The following WDFY3 variants were observed in gnomAD, a reference collection of about 807,000 sequenced individuals.
WDFY3 encodes WD repeat and FYVE domain containing 3, also known as WD repeat and FYVE domain-containing protein 3.
Under a neutral mutation model 409.6 loss-of-function variants are expected in WDFY3, and 66 were observed. The ratio of observed to expected loss-of-function variants is 0.16; its 90% confidence interval spans 0.13 to 0.20. The LOEUF is 0.20. Ranked by LOEUF, WDFY3 falls within the 10% of genes least tolerant of loss-of-function variation. WDFY3 has a pLI of 1.00. For synonymous variants in WDFY3, 1,521 were observed against 1,537.1 expected (o/e 0.99, Z 0.25); for missense variants, 3,031 against 4,298.1 (o/e 0.71, Z 8.24).
intron 2 of WDFY3, among the ~76,000 whole-genome samples, chr4:84,924,325 C>A (rs909264471): frequency 6.6e-6 from 1 of 152,164 alleles, no homozygotes; most frequent in Non-Finnish European, 1.5e-5. Context: ...GGCTTTATAT[C>A]CATATTCTAT....
chr4:84,923,085 T>C (rs1382287205), intron 2 of WDFY3, among the ~76,000 whole-genome samples: 1 of 152,176 alleles, frequency 6.6e-6, no homozygotes, highest in Non-Finnish European at 1.5e-5. Context: ...CATAGTCTTT[T>C]GGGGTAAATG....
chr4:84,737,592 C>A (rs1234858193), intron 40 of WDFY3, among the ~76,000 whole-genome samples: 1 of 151,772 alleles, frequency 6.6e-6, no homozygotes, highest in Admixed American at 6.6e-5. Flanking sequence ...TATATTCATA[C>A]AAAAGAACAT....
At chr4:84,770,860 A>G (rs1055307969) in intron 30 of WDFY3, among the ~76,000 whole-genome samples, 17 of 152,318 alleles carry the variant, frequency 1.1e-4, no homozygotes, top group Non-Finnish European at 2.1e-4. Context: ...TTTTTAGAAC[A>G]TTATACTCAA....
At chr4:84,725,161 AC>A (rs1735465925) in intron 45 of WDFY3, among the ~76,000 whole-genome samples, 1 of 152,138 alleles carries the variant, frequency 6.6e-6, no homozygotes, top group South Asian at 2.1e-4. Context: ...GAGAGTCCTG[AC>A]CCAAAAAGGA....
At chr4:84,737,449 GT>G in intron 40 of WDFY3, 83 bp from the exon 41 acceptor site, 1 of 1,393,690 alleles carries the variant, frequency 7.2e-7, no homozygotes. Flanking sequence ...TTTTCTTCAT[GT>G]TTACATGTGG....
At chr4:84,849,009 C>A (rs928588254) in intron 5 of WDFY3, among the ~76,000 whole-genome samples, 12 of 151,990 alleles carry the variant, frequency 7.9e-5, no homozygotes, top group African/African-American at 2.9e-4. Flanking sequence ...CAGCAATAGT[C>A]AAAAAATGTT....
At chr4:84,821,008 A>T in intron 11 of WDFY3, 76 bp downstream of exon 11, 1 of 1,326,402 alleles carries the variant, frequency 7.5e-7, no homozygotes, top group South Asian at 1.5e-5. Flanking sequence ...ATAACCAAAG[A>T]ATGGGAACAA....
chr4:84,907,304 T>C (rs1579075296), intron 2 of WDFY3, among the ~76,000 whole-genome samples: 1 of 152,184 alleles, frequency 6.6e-6, no homozygotes, highest in Non-Finnish European at 1.5e-5. Flanking sequence ...GAAGTGACTA[T>C]GTGTGACCAG....
intron 2 of WDFY3, among the ~76,000 whole-genome samples, chr4:84,919,665 TTC>T (rs1397868851): frequency 1.3e-5 from 2 of 152,172 alleles, no homozygotes; most frequent in African/African-American, 4.8e-5. Flanking sequence ...AAGGGACTTT[TTC>T]TCTTTTGCTC....
chr4:84,894,641 G>T (rs1030751530), intron 3 of WDFY3, among the ~76,000 whole-genome samples: 3 of 152,048 alleles, frequency 2.0e-5, no homozygotes, highest in African/African-American at 7.2e-5. Context: ...ACAAAAATTA[G>T]CCGGGCATGG....
intron 44 of WDFY3, among the ~76,000 whole-genome samples, chr4:84,730,842 C>T (rs192439125): frequency 1.6e-3 from 240 of 151,874 alleles, no homozygotes; most frequent in Non-Finnish European, 2.2e-3. Flanking sequence ...CTCTTGTTGC[C>T]CAGGCTAGAG....
intron 5 of WDFY3, among the ~76,000 whole-genome samples, chr4:84,845,466 G>A (rs1757961072): frequency 6.6e-6 from 1 of 152,144 alleles, no homozygotes; most frequent in African/African-American, 2.4e-5. Context: ...TATAGTTTCA[G>A]TCATGTAAGA....
chr4:84,718,545 C>G lies in WDFY3; in HGVS notation c.7631G>C (p.Arg2544Pro). The part of the protein sequence containing the change: ...EKIQHMYRCA[R>P]VQGLDTSEGL... ...CTCACTGGTATCTAGGCCCTGGACTCGAGCACAGCGGTACATGTGTTGGAT... is the reference window on the plus strand; with the variant it reads ...CTCACTGGTATCTAGGCCCTGGACTGGAGCACAGCGGTACATGTGTTGGAT... The change falls in exon 48 of 68, where the codon CGA becomes CCA. Residue 2544 changes from arginine to proline, a missense_variant. Arg to Pro is a moderately radical substitution (Grantham distance 103). Around this residue, in one of 16 missense-constraint regions of WDFY3, gnomAD observed 17 missense variants for 36.7 expected, o/e 0.46. Transcript: ENST00000295888. 6.2e-7 allele frequency: 1 copy of G among 1,613,532 alleles called. No homozygotes were observed. The highest frequency in any genetic ancestry group is 8.5e-7 in the Non-Finnish European group (1 of 1,179,686).
At chr4:84,894,477 G>A (rs970484528) in intron 3 of WDFY3, among the ~76,000 whole-genome samples, 20 of 151,980 alleles carry the variant, frequency 1.3e-4, no homozygotes, top group African/African-American at 3.9e-4. Context: ...TGGCCAACAC[G>A]GTGAAACCCC....
intron 25 of WDFY3, 24 bp downstream of exon 25, chr4:84,782,939 A>G (rs1463364533): frequency 3.1e-6 from 5 of 1,603,722 alleles, no homozygotes; most frequent in African/African-American, 1.3e-5. Flanking sequence ...AGAAGTTTGA[A>G]ACAACAAAGA....
rs1764949770 is a variant in WDFY3, at chr4:84,891,523, T to C, written c.-32+5388A>G. 5.9e-5 allele frequency among the ~76,000 whole-genome samples: 9 copies of C among 152,268 alleles called. No individual in the cohort carries two copies. In the South Asian group the frequency reaches 1.9e-3, roughly 32 times the overall value. ...GAATACACTATTAAATTGAAATTTA[T>C]TTCAAACTAGGAGCATAAACCACCT... is the stretch of plus-strand genomic sequence containing the variant. On this transcript the variant is annotated intron_variant, in intron 3 of 67. Transcript: ENST00000295888.
rs753069563 is a variant in WDFY3, at chr4:84,718,412, A to G, written c.7754+10T>C. The G allele has an allele frequency of 4.3e-6, 7 of 1,610,310 alleles. No individual in the cohort carries two copies. The East Asian group carries it at 6.7e-5, about 15-fold the overall frequency. ...AGCCATACATTATGTCTCTTCATTC[A>G]TTTACTTACTTTGGAGGTAAGGTTT... On this transcript the variant is annotated intron_variant, in intron 48 of 67. Transcript: ENST00000295888.
chr4:84,847,591 C>A, intron 5 of WDFY3, among the ~76,000 whole-genome samples: 1 of 144,844 alleles, frequency 6.9e-6, no homozygotes, highest in African/African-American at 2.6e-5. Flanking sequence ...ACAGTGAAAC[C>A]CCGTCTCTAC....
intron 36 of WDFY3, among the ~76,000 whole-genome samples, chr4:84,745,697 T>C (rs987723833): frequency 6.6e-6 from 1 of 152,190 alleles, no homozygotes; most frequent in Non-Finnish European, 1.5e-5. Context: ...GTCATTAAAC[T>C]AATTTGGGAA....
Sources: gnomAD v4.1 joint callset for allele counts (sites outside exome capture counted in the v4.1 genomes callset) on GRCh38, gnomAD v4.1.1 for gene constraint, gnomAD v4.1.1 regional missense constraint, MANE v1.5 for transcripts, NCBI Gene and HGNC (gene_info 2026-07-23, HGNC 2026-07-21) for gene names.